CCDC91: variants seen among roughly 807,000 people sequenced by gnomAD.
CCDC91 encodes coiled-coil domain-containing protein 91.
In CCDC91, 48 loss-of-function variants were observed where a neutral mutation model predicts 63.2. That is an observed-to-expected ratio of 0.76 (90% confidence interval 0.60 to 0.97). The LOEUF (loss-of-function observed/expected upper bound fraction) is 0.97, where lower values mean the gene tolerates loss of function less well. CCDC91 is among the 50% of genes least tolerant of loss of function. The pLI, the probability that CCDC91 is intolerant of heterozygous loss-of-function variation, is 0.00. For missense variants in CCDC91, 500 were observed against 494.6 expected (o/e 1.01, Z -0.10); for synonymous variants, 167 against 165.8 (o/e 1.01, Z -0.06).
chr12:28,391,135 G>A (rs1463439366), intron 7 of CCDC91, among the ~76,000 whole-genome samples, 169 bp from the exon 8 acceptor site: 1 of 151,960 alleles, frequency 6.6e-6, no homozygotes, highest in Non-Finnish European at 1.5e-5. Context: ...AAAAGCAAAA[G>A]CTGAAAGTAA....
chr12:28,239,166 GTGA>G (rs1052740520), intron 1 of CCDC91, among the ~76,000 whole-genome samples: 2 of 151,522 alleles, frequency 1.3e-5, no homozygotes, highest in African/African-American at 4.9e-5. Context: ...AAAAAATGTA[GTGA>G]TAACACCATT....
chr12:28,192,508 A>C (rs555289611), intron 1 of CCDC91, among the ~76,000 whole-genome samples: 7 of 152,262 alleles, frequency 4.6e-5, no homozygotes, highest in Admixed American at 2.0e-4. Flanking sequence ...AAGTTTATCA[A>C]ATTTTCTTAT....
intron 12 of CCDC91, among the ~76,000 whole-genome samples, chr12:28,523,270 C>A (rs1308103482): frequency 6.6e-6 from 1 of 152,078 alleles, no homozygotes; most frequent in South Asian, 2.1e-4. Context: ...GTATTGGGTG[C>A]ATATATATTT....
At chr12:28,443,238 C>CAAA (rs1262273114) in intron 8 of CCDC91, among the ~76,000 whole-genome samples, 25 of 82,270 alleles carry the variant, frequency 3.0e-4, no homozygotes, top group Non-Finnish European at 5.3e-4. Flanking sequence ...GAGTCCTAGG[C>CAAA]AAAAAAAAAA....
intron 11 of CCDC91, among the ~76,000 whole-genome samples, chr12:28,472,265 C>T (rs1311047789): frequency 1.3e-5 from 2 of 152,132 alleles, no homozygotes; most frequent in Admixed American, 6.5e-5. Context: ...TGAAAGAGCC[C>T]AGCCAAGACA....
At chr12:28,512,850 T>C (rs1048325764) in intron 12 of CCDC91, among the ~76,000 whole-genome samples, 1 of 151,896 alleles carries the variant, frequency 6.6e-6, no homozygotes, top group African/African-American at 2.4e-5. Flanking sequence ...TGGTCATTGG[T>C]TAGGAAATAA....
chr12:28,499,199 T>C (rs1952481575), intron 12 of CCDC91, among the ~76,000 whole-genome samples: 1 of 151,542 alleles, frequency 6.6e-6, no homozygotes, highest in South Asian at 2.1e-4. Context: ...AGCTGAAAAA[T>C]CAATCCTTGA....
At position 28,267,836 on chromosome 12, in the gene CCDC91, T is replaced by TATATAGTA. The variant is rs1491174275; in HGVS notation, c.109+8399_109+8400insGTAATATA. ...TATAATTATATTATTAATATATAAT[T>TATATAGTA]ATATATAATTATATAGTAATATATA... is the stretch of plus-strand genomic sequence containing the variant. On this transcript the variant is annotated intron_variant, in intron 3 of 12. Coordinates refer to ENST00000536442, the MANE Select transcript of CCDC91 (RefSeq NM_018318.5). Among the ~76,000 whole-genome samples the TATATAGTA allele has an allele frequency of 3.0e-4, 8 of 26,882 alleles. 2 individuals are homozygous for TATATAGTA. Among genetic ancestry groups the TATATAGTA allele is most frequent in the Non-Finnish European group, 4.9e-4 (7 of 14,244 alleles). 17.6% of individuals were successfully genotyped at this position (26,882 alleles called of 152,430 possible).
At chr12:28,523,511 G>T (rs1209492596) in intron 12 of CCDC91, among the ~76,000 whole-genome samples, 2 of 152,088 alleles carry the variant, frequency 1.3e-5, no homozygotes, top group African/African-American at 4.8e-5. Context: ...ACACTGATGG[G>T]TCTTGACTCT....
In CCDC91 at chr12:28,347,829, T is replaced by C. The variant is rs563505429; in HGVS notation, c.577-14609T>C. The stretch of plus-strand genomic sequence containing the variant: ...AAAATGCAGTTGTTATATCAGTGTA[T>C]TTCTCCCTTGGCAAGAATTGTATAG... On this transcript the variant is annotated intron_variant, in intron 6 of 12. Coordinates refer to ENST00000536442, the MANE Select transcript of CCDC91 (RefSeq NM_018318.5). Among the ~76,000 whole-genome samples the C allele has an allele frequency of 3.8e-4, 58 of 152,324 alleles. 1 individual carries two copies. The highest frequency in any genetic ancestry group is 1.3e-3 in the African/African-American group (56 of 41,568).
intron 11 of CCDC91, among the ~76,000 whole-genome samples, chr12:28,460,562 CA>C (rs1481478366): frequency 6.6e-6 from 1 of 151,270 alleles, no homozygotes; most frequent in Non-Finnish European, 1.5e-5. Flanking sequence ...AGAAACGAGA[CA>C]AAAAAGAAAG....
intron 1 of CCDC91, among the ~76,000 whole-genome samples, chr12:28,207,738 T>G (rs1158577999): frequency 6.6e-6 from 1 of 152,200 alleles, no homozygotes; most frequent in African/African-American, 2.4e-5. Flanking sequence ...ATTTGGATCA[T>G]TTTATCTTTT....
At chr12:28,302,190 A>G (rs372587479) in intron 3 of CCDC91, among the ~76,000 whole-genome samples, 5 of 151,904 alleles carry the variant, frequency 3.3e-5, no homozygotes, top group Non-Finnish European at 7.4e-5. Context: ...TTGTTATGCA[A>G]TGGTTTGTCA....
chr12:28,375,266 T>A (rs1317220104), intron 7 of CCDC91, among the ~76,000 whole-genome samples: 1 of 152,098 alleles, frequency 6.6e-6, no homozygotes, highest in Admixed American at 6.6e-5. Context: ...TCTTAAGAAA[T>A]ATTAGGTATT....
rs531952811 is a variant in CCDC91, at chr12:28,485,958, CTT to C, written c.1215+1797_1215+1798del. 9.1e-4 allele frequency among the ~76,000 whole-genome samples: 139 copies of C among 152,210 alleles called. 3 individuals are homozygous for C. The highest frequency in any genetic ancestry group is 1.1e-3 in the Non-Finnish European group (73 of 68,002). On this transcript the variant is annotated intron_variant, in intron 12 of 12. Transcript: ENST00000536442. ...GTGGGTATTTGCTTTTTTATCATCTCTTTTTAAAATTGTTTATTTTATGTTAG... is the reference window on the plus strand; with the variant it reads ...GTGGGTATTTGCTTTTTTATCATCTCTTTAAAATTGTTTATTTTATGTTAG...
intron 1 of CCDC91, among the ~76,000 whole-genome samples, chr12:28,207,872 A>G (rs1322080681): frequency 6.6e-6 from 1 of 152,244 alleles, no homozygotes; most frequent in Admixed American, 6.5e-5. Flanking sequence ...TCTCCAAATT[A>G]GGTGCATAGC....
intron 12 of CCDC91, among the ~76,000 whole-genome samples, chr12:28,490,135 GACATTTC>G (rs996039907): frequency 6.6e-6 from 1 of 151,800 alleles, no homozygotes; most frequent in African/African-American, 2.4e-5. Flanking sequence ...GCGCTTTCCT[GACATTTC>G]CCATCTTCCT....
intron 7 of CCDC91, among the ~76,000 whole-genome samples, chr12:28,368,609 A>T (rs951691248): frequency 2.6e-5 from 4 of 152,188 alleles, no homozygotes; most frequent in African/African-American, 9.6e-5. Flanking sequence ...GTCAGTTTTT[A>T]CTTCATGCAT....
chr12:28,380,956 G>T (rs1945263278), intron 7 of CCDC91, among the ~76,000 whole-genome samples: 2 of 152,022 alleles, frequency 1.3e-5, no homozygotes, highest in Admixed American at 6.6e-5. Flanking sequence ...TTCTGTTTGT[G>T]AAAGGCCACA....
Sources: allele counts gnomAD v4.1 joint callset (sites outside exome capture counted in the v4.1 genomes callset), GRCh38; gene constraint gnomAD v4.1.1; transcripts MANE v1.5; gene names NCBI Gene and HGNC (gene_info 2026-07-23, HGNC 2026-07-21).